Variants in SEMA3E observed in about 807,000 individuals in gnomAD.
SEMA3E encodes the protein semaphorin 3E.
A neutral mutation model predicts 93.6 loss-of-function variants in SEMA3E; 49 were observed. That is an observed-to-expected ratio of 0.52 (90% CI 0.42 to 0.66). The LOEUF (loss-of-function observed/expected upper bound fraction) is 0.66, where lower values mean the gene tolerates loss of function less well. Ranked by LOEUF, SEMA3E falls within the 30% of genes least tolerant of loss-of-function variation. SEMA3E has a pLI of 0.00. For synonymous variants in SEMA3E, 363 were observed against 330.7 expected (o/e 1.10, Z -1.06); for missense variants, 906 against 964.8 (o/e 0.94, Z 0.81).
chr7:83,635,873 C>T (rs984564129), intron 1 of SEMA3E, among the ~76,000 whole-genome samples: 10 of 117,856 alleles, frequency 8.5e-5, no homozygotes, highest in Non-Finnish European at 1.4e-4. Context: ...TGCACAGAGA[C>T]AGACTGACAA....
chr7:83,587,758 ATATT>A (rs1008577738), intron 1 of SEMA3E, among the ~76,000 whole-genome samples: 78 of 152,002 alleles, frequency 5.1e-4, no homozygotes, highest in Non-Finnish European at 7.9e-4. Flanking sequence ...ATAAATATAA[ATATT>A]TAATAATCAT....
intron 1 of SEMA3E, among the ~76,000 whole-genome samples, chr7:83,496,119 A>G (rs193284464): frequency 6.6e-6 from 1 of 152,060 alleles, no homozygotes; most frequent in East Asian, 1.9e-4. Flanking sequence ...TATTATCCCC[A>G]TTTTCTGTAT....
At chr7:83,598,449 A>T (rs559644270) in intron 1 of SEMA3E, among the ~76,000 whole-genome samples, 1 of 152,356 alleles carries the variant, frequency 6.6e-6, no homozygotes, top group South Asian at 2.1e-4. Context: ...ATTAAATAAT[A>T]TAAAGAATTG....
intron 1 of SEMA3E, among the ~76,000 whole-genome samples, chr7:83,572,261 T>G (rs1417871518): frequency 1.3e-5 from 2 of 151,924 alleles, no homozygotes; most frequent in Non-Finnish European, 2.9e-5. Flanking sequence ...AGTGTATGAG[T>G]AGCCAAAGCA....
At chr7:83,630,207 T>C (rs1020091746) in intron 1 of SEMA3E, among the ~76,000 whole-genome samples, 2 of 152,216 alleles carry the variant, frequency 1.3e-5, no homozygotes, top group Non-Finnish European at 2.9e-5. Flanking sequence ...CACTGGGAGC[T>C]GCAGATGGGA....
At chr7:83,632,572 T>C (rs1341145282) in intron 1 of SEMA3E, among the ~76,000 whole-genome samples, 1 of 152,194 alleles carries the variant, frequency 6.6e-6, no homozygotes, top group Non-Finnish European at 1.5e-5. Context: ...TGCTCCTCCT[T>C]GCCTTCCGCC....
At chr7:83,614,345 G>A (rs533203137) in intron 1 of SEMA3E, among the ~76,000 whole-genome samples, 1 of 152,230 alleles carries the variant, frequency 6.6e-6, no homozygotes, top group Non-Finnish European at 1.5e-5. Flanking sequence ...AACAGATGCT[G>A]TGTTTCTTCC....
chr7:83,460,807 T>A (rs1789600466), intron 4 of SEMA3E, among the ~76,000 whole-genome samples: 1 of 140,738 alleles, frequency 7.1e-6, no homozygotes, highest in African/African-American at 2.7e-5. Context: ...CACCCCGACC[T>A]CTTATCTCTG....
At chr7:83,374,206 C>CA (rs71074647) in intron 16 of SEMA3E, among the ~76,000 whole-genome samples, 1,634 of 93,246 alleles carry the variant, frequency 0.018, 45 homozygotes, top group African/African-American at 0.067. Flanking sequence ...AACTGCGTCT[C>CA]AAAAAAAAAA....
chr7:83,399,999 T>C (rs1788205449), intron 11 of SEMA3E, 29 bp downstream of exon 11: 1 of 1,494,518 alleles, frequency 6.7e-7, no homozygotes, highest in Admixed American at 1.7e-5. Flanking sequence ...TCAATTTAAA[T>C]ATCTCTGAGT....
chr7:83,402,711 C>G lies in SEMA3E; in HGVS notation c.1064G>C (p.Gly355Ala), dbSNP rs1347750130. 5 of 1,612,826 alleles carry G rather than the reference C, an allele frequency of 3.1e-6. No individual in the cohort carries two copies. The African/African-American group carries it at 4.0e-5, about 13-fold the overall frequency. ...HMSSIRAAFNGPYAHKEGPEY... is the reference protein window; with the variant it reads ...HMSSIRAAFNAPYAHKEGPEY... ...AGGTCCTTCCTTATGTGCATATGGT[C>G]CGTTGAAGGCTGCCCGAATGCTAGA... Residue 355 changes from glycine (G) to alanine (A), a missense_variant, in exon 10 of 17, where the codon GGA (glycine) becomes GCA (alanine). Transcript: ENST00000643230.
At chr7:83,467,301 A>T (rs778642958) in intron 3 of SEMA3E, among the ~76,000 whole-genome samples, 21 of 152,174 alleles carry the variant, frequency 1.4e-4, no homozygotes, top group Non-Finnish European at 2.6e-4. Context: ...TCCTGGGCTC[A>T]AGCGATCTGC....
chr7:83,410,794 G>C (rs1411652080), intron 5 of SEMA3E, among the ~76,000 whole-genome samples: 1 of 152,008 alleles, frequency 6.6e-6, no homozygotes, highest in Admixed American at 6.6e-5. Context: ...TAACACATGA[G>C]TGAGGATTTC....
intron 1 of SEMA3E, among the ~76,000 whole-genome samples, chr7:83,543,620 A>G (rs755478144): frequency 3.9e-5 from 6 of 152,120 alleles, no homozygotes; most frequent in Non-Finnish European, 5.9e-5. Flanking sequence ...CCTACAAGCT[A>G]AGACAGCTCT....
intron 3 of SEMA3E, 66 bp downstream of exon 3, chr7:83,469,177 C>A: frequency 7.7e-7 from 1 of 1,306,694 alleles, no homozygotes; most frequent in South Asian, 1.2e-5. Context: ...TTCAGTGATT[C>A]AGTTCTTTGT....
chr7:83,585,688 T>C (rs1442801145), intron 1 of SEMA3E, among the ~76,000 whole-genome samples: 1 of 152,170 alleles, frequency 6.6e-6, no homozygotes. Context: ...TGTGTTAATA[T>C]ATTTTCTATT....
intron 4 of SEMA3E, among the ~76,000 whole-genome samples, chr7:83,447,293 T>C (rs1789252592): frequency 6.6e-6 from 1 of 152,176 alleles, no homozygotes; most frequent in African/African-American, 2.4e-5. Flanking sequence ...TCCCAGCACC[T>C]TGGGAGGCCG....
At chr7:83,454,252 C>A (rs1193002396) in intron 4 of SEMA3E, among the ~76,000 whole-genome samples, 4 of 40,734 alleles carry the variant, frequency 9.8e-5, no homozygotes, top group African/African-American at 2.7e-4. Context: ...AGCAAGACTC[C>A]GACTCAAAAA....
At chr7:83,452,006 T>C (rs552099008) in intron 4 of SEMA3E, among the ~76,000 whole-genome samples, 1 of 152,344 alleles carries the variant, frequency 6.6e-6, no homozygotes, top group African/African-American at 2.4e-5. Flanking sequence ...TGCTGTAGCC[T>C]CAGGATTAAC....
Sources: allele counts gnomAD v4.1 joint callset (sites outside exome capture counted in the v4.1 genomes callset), GRCh38; gene constraint gnomAD v4.1.1; transcripts MANE v1.5; gene names NCBI Gene and HGNC (gene_info 2026-07-23, HGNC 2026-07-21).